The following ENOX1 variants were observed in gnomAD, a reference collection of about 807,000 sequenced individuals.
ENOX1 encodes the protein candidate growth-related and time keeping constitutive hydroquinone (NADH) oxidase.
Under a neutral mutation model 82.5 loss-of-function variants are expected in ENOX1, and 42 were observed. The observed-to-expected ratio is 0.51, with a 90% CI of 0.40 to 0.66. The LOEUF (loss-of-function observed/expected upper bound fraction) is 0.66. ENOX1 is among the 30% of genes least tolerant of loss of function. The pLI is 0.00. For missense variants in ENOX1, 608 were observed against 811.6 expected (o/e 0.75, Z 3.05); for synonymous variants, 271 against 282.2 (o/e 0.96, Z 0.40).
intron 2 of ENOX1, among the ~76,000 whole-genome samples, chr13:43,654,394 C>A (rs563543022): frequency 6.6e-6 from 1 of 152,236 alleles, no homozygotes; most frequent in South Asian, 2.1e-4. Flanking sequence ...TTGCATTAGC[C>A]AATTCCTTAA....
At chr13:43,511,569 C>T (rs1183849651) in intron 2 of ENOX1, among the ~76,000 whole-genome samples, 1 of 152,150 alleles carries the variant, frequency 6.6e-6, no homozygotes, top group African/African-American at 2.4e-5. Flanking sequence ...GTATTCTGTG[C>T]TATGAGCAAG....
chr13:43,550,110 C>A (rs1197133418), intron 2 of ENOX1, among the ~76,000 whole-genome samples: 12 of 152,170 alleles, frequency 7.9e-5, no homozygotes, highest in Non-Finnish European at 1.3e-4. Flanking sequence ...GAATCTAATG[C>A]CTTCGGTGAT....
chr13:43,520,417 ATGTT>A (rs2077720271), intron 2 of ENOX1, among the ~76,000 whole-genome samples: 1 of 152,164 alleles, frequency 6.6e-6, no homozygotes, highest in East Asian at 1.9e-4. Flanking sequence ...AGTAAAAGGC[ATGTT>A]TGTTTGTTTT....
rs1566578375 is a variant in ENOX1 at position 43,351,415 on chromosome 13, T to TTTA, written c.823+4503_823+4504insTAA. ...TTCTTTTTATTTTATTTATTTATTT[T>TTTA]ATTTATTTATTTATTTATTTTTTAT... On this transcript the variant is annotated intron_variant, in intron 8 of 16. Coordinates refer to ENST00000690772, the MANE Select transcript of ENOX1 (RefSeq NM_001347969.2). 2.6e-4 allele frequency among the ~76,000 whole-genome samples: 14 copies of TTTA among 54,038 alleles called. No homozygotes were observed. In the East Asian group the frequency reaches 7.6e-3, roughly 30 times the overall value. The allele number at this position is 54,038 out of a possible 152,430, so 35.5% of individuals were successfully genotyped here.
At chr13:43,708,732 A>T (rs946880359) in intron 1 of ENOX1, among the ~76,000 whole-genome samples, 55 of 152,228 alleles carry the variant, frequency 3.6e-4, no homozygotes, top group African/African-American at 1.3e-3. Context: ...CACAATATAT[A>T]GGTAAAGTAA....
chr13:43,302,626 C>T (rs1437050402), intron 11 of ENOX1, among the ~76,000 whole-genome samples: 1 of 152,164 alleles, frequency 6.6e-6, no homozygotes, highest in Admixed American at 6.5e-5. Context: ...AACGGCACTG[C>T]TGAAGAAAAG....
rs569495753 is a variant in ENOX1, at chr13:43,240,159, A to G, written c.1612-3421T>C. On this transcript the variant is annotated intron_variant, in intron 14 of 16. Transcript: ENST00000690772. Reference sequence around the variant, plus strand: ...AATTCCCAAACCAATTCCCTGTTGCACTTAAGCTAAGCCTGTTTTTACTTT... The same window carrying G: ...AATTCCCAAACCAATTCCCTGTTGCGCTTAAGCTAAGCCTGTTTTTACTTT... Among the ~76,000 whole-genome samples the G allele has an allele frequency of 5.9e-5, 9 of 152,324 alleles. No individual in the cohort carries two copies. In the South Asian group the frequency reaches 1.0e-3, roughly 18 times the overall value.
chr13:43,710,996 A>G (rs1466294749), intron 1 of ENOX1, among the ~76,000 whole-genome samples: 1 of 152,044 alleles, frequency 6.6e-6, no homozygotes, highest in Non-Finnish European at 1.5e-5. Context: ...TACATGTGCC[A>G]TGTTGGTGTG....
intron 5 of ENOX1, among the ~76,000 whole-genome samples, chr13:43,389,945 A>G (rs1290457670): frequency 6.6e-6 from 1 of 152,190 alleles, no homozygotes; most frequent in African/African-American, 2.4e-5. Context: ...GGAGAACAAA[A>G]AAAATTTTTT....
intron 2 of ENOX1, among the ~76,000 whole-genome samples, chr13:43,652,995 G>A (rs1221110825): frequency 6.6e-6 from 1 of 152,222 alleles, no homozygotes; most frequent in African/African-American, 2.4e-5. Flanking sequence ...CCTGGGGAAA[G>A]GATGGATGGC....
At chr13:43,270,273 C>G (rs1003423595) in intron 12 of ENOX1, among the ~76,000 whole-genome samples, 1 of 152,142 alleles carries the variant, frequency 6.6e-6, no homozygotes, top group African/African-American at 2.4e-5. Context: ...TTCTTTGGGA[C>G]ATGGTGATAT....
At chr13:43,551,448 A>C (rs888494744) in intron 2 of ENOX1, among the ~76,000 whole-genome samples, 1 of 152,158 alleles carries the variant, frequency 6.6e-6, no homozygotes, top group African/African-American at 2.4e-5. Flanking sequence ...AATAATAAAG[A>C]GAGAAAAAAA....
At chr13:43,458,783 C>T (rs2057337214) in intron 3 of ENOX1, 1 of 152,122 alleles carries the variant, frequency 6.6e-6, no homozygotes, top group African/African-American at 2.4e-5. Context: ...TGAAACACAC[C>T]TCGATCGTCT....
intron 2 of ENOX1, among the ~76,000 whole-genome samples, chr13:43,590,834 G>A (rs1160284930): frequency 1.3e-5 from 2 of 148,156 alleles, no homozygotes; most frequent in Non-Finnish European, 3.0e-5. Context: ...CAACCCAACA[G>A]AGAAATGCGC....
At chr13:43,215,637 G>C (rs2041431716) in intron 16 of ENOX1, among the ~76,000 whole-genome samples, 2 of 152,152 alleles carry the variant, frequency 1.3e-5, no homozygotes, top group African/African-American at 2.4e-5. Flanking sequence ...AGAACCCAAG[G>C]GTTCTTTCAT....
At chr13:43,414,375 T>A (rs972914352) in intron 3 of ENOX1, among the ~76,000 whole-genome samples, 4 of 152,218 alleles carry the variant, frequency 2.6e-5, no homozygotes, top group African/African-American at 9.6e-5. Context: ...TGATTCTAAC[T>A]TTGGAAGCAA....
At chr13:43,573,671 C>T (rs2080285619) in intron 2 of ENOX1, among the ~76,000 whole-genome samples, 1 of 152,164 alleles carries the variant, frequency 6.6e-6, no homozygotes, top group African/African-American at 2.4e-5. Flanking sequence ...CCATGGAGGG[C>T]TACACATTTC....
chr13:43,311,066 C>A (rs1313978251), intron 11 of ENOX1, among the ~76,000 whole-genome samples: 1 of 152,020 alleles, frequency 6.6e-6, no homozygotes, highest in Non-Finnish European at 1.5e-5. Flanking sequence ...GGGGGCACCA[C>A]ACACAGGTGA....
chr13:43,567,889 C>T (rs560644762), intron 2 of ENOX1, among the ~76,000 whole-genome samples: 1 of 152,162 alleles, frequency 6.6e-6, no homozygotes, highest in Non-Finnish European at 1.5e-5. Flanking sequence ...TTCTTGTTTA[C>T]AATAAATTTT....
Sources: gnomAD v4.1 joint callset for allele counts (sites outside exome capture counted in the v4.1 genomes callset) on GRCh38, gnomAD v4.1.1 for gene constraint, MANE v1.5 for transcripts, NCBI Gene and HGNC (gene_info 2026-07-23, HGNC 2026-07-21) for gene names.